The following NXPE4 variants were observed in gnomAD, a reference collection of about 807,000 sequenced individuals.
NXPE4 encodes neurexophilin and PC-esterase domain family member 4, also known as NXPE family member 4.
Under a neutral mutation model 33.3 loss-of-function variants are expected in NXPE4, and 42 were observed. The ratio of observed to expected loss-of-function variants is 1.26; its 90% confidence interval spans 0.98 to 1.63. The LOEUF is 1.63. NXPE4 is among the 40% of genes most tolerant of loss of function. The pLI, the probability that NXPE4 is intolerant of heterozygous loss-of-function variation, is 0.00. For synonymous variants in NXPE4, 253 were observed against 234.9 expected (o/e 1.08, Z -0.71); for missense variants, 709 against 647.6 (o/e 1.09, Z -1.03).
chr11:114,617,787 T>G, the NXPE4 span, among the ~76,000 whole-genome samples: 2 of 152,056 alleles, frequency 1.3e-5, no homozygotes, highest in Non-Finnish European at 2.9e-5. Flanking sequence ...GCCTTGTGGG[T>G]AAGCACGGTT....
chr11:114,622,044 A>G, the NXPE4 span, among the ~76,000 whole-genome samples: 1 of 152,100 alleles, frequency 6.6e-6, no homozygotes, highest in Admixed American at 6.5e-5. Context: ...CCAGTGGATA[A>G]TAAGTATTCC....
chr11:114,669,705 G>C, the NXPE4 span, among the ~76,000 whole-genome samples: 1 of 152,100 alleles, frequency 6.6e-6, no homozygotes, highest in South Asian at 2.1e-4. Flanking sequence ...AGAGAGGCAG[G>C]TCATAGCAAC....
chr11:114,673,738 T>C, the NXPE4 span, among the ~76,000 whole-genome samples: 1 of 151,860 alleles, frequency 6.6e-6, no homozygotes, highest in Admixed American at 6.6e-5. Flanking sequence ...TGCTTTCCTT[T>C]TGTTCCCAAA....
At chr11:114,633,113 A>ACT in the NXPE4 span, among the ~76,000 whole-genome samples, 4 of 120,516 alleles carry the variant, frequency 3.3e-5, no homozygotes, top group Non-Finnish European at 6.3e-5. Flanking sequence ...TTTACATTAT[A>ACT]TTTTATATAA....
At chr11:114,657,310 A>G in the NXPE4 span, among the ~76,000 whole-genome samples, 1 of 152,180 alleles carries the variant, frequency 6.6e-6, no homozygotes, top group Non-Finnish European at 1.5e-5. Context: ...TCGATATAGA[A>G]TTTAGAGGAG....
Position 114,582,539 on chromosome 11 carries a change from A to C in NXPE4, c.579T>G (p.Ser193Arg), listed in dbSNP as rs1199253076. Reference sequence around the variant, plus strand: ...CCCTGTCATAGCCTTGGTTCCTTGCACTCCAGAGAGCTGACACCCCTTCAC... The same window carrying C: ...CCCTGTCATAGCCTTGGTTCCTTGCCCTCCAGAGAGCTGACACCCCTTCAC... ...HPSEGVSALW[S>R]ARNQGYDRVI... The change falls in exon 3 of 6, where the codon AGT becomes AGG. Residue 193 changes from serine to arginine, a missense_variant. Transcript: ENST00000375478. 6.2e-7 allele frequency: 1 copy of C among 1,614,024 alleles called. No homozygotes were observed. The highest frequency in any genetic ancestry group is 1.1e-5 in the South Asian group (1 of 91,080).
chr11:114,605,592 C>T, the NXPE4 span, among the ~76,000 whole-genome samples: 5 of 132,352 alleles, frequency 3.8e-5, no homozygotes, highest in South Asian at 2.4e-4. Context: ...ATTGCCTCGT[C>T]GGTAACCACT....
Position 114,571,289 on chromosome 11 carries a change from A to G in NXPE4, c.1284T>C (p.Asn428=), listed in dbSNP as rs951684126. The change falls in exon 6 of 6, where the codon AAT becomes AAC. Residue 428 remains asparagine, a synonymous_variant. Coordinates refer to ENST00000375478, the MANE Select transcript of NXPE4 (RefSeq NM_001077639.2). Reference sequence around the variant, plus strand: ...GGCCCAGGGAAATAACAATGACAGTATTTTTTTCTCCTCCAGTTCTGTCAA... The same window carrying G: ...GGCCCAGGGAAATAACAATGACAGTGTTTTTTTCTCCTCCAGTTCTGTCAA... ...RAIDRTGGEK[N]TVIVISLGQH... is the part of the protein sequence containing the mutation. 2 of 1,613,778 alleles carry G rather than the reference A, an allele frequency of 1.2e-6. No individual in the cohort carries two copies.
intron 5 of NXPE4, among the ~76,000 whole-genome samples, chr11:114,573,931 A>G (rs1427472001): frequency 6.6e-6 from 1 of 152,148 alleles, no homozygotes; most frequent in Non-Finnish European, 1.5e-5. Flanking sequence ...AGCACATGGA[A>G]CATTCTCCAA....
At chr11:114,639,456 C>G in the NXPE4 span, among the ~76,000 whole-genome samples, 2 of 151,758 alleles carry the variant, frequency 1.3e-5, no homozygotes, top group Admixed American at 6.6e-5. Context: ...TCGGCTCATG[C>G]ACGCTGCGCT....
chr11:114,601,448 T>A, the NXPE4 span, among the ~76,000 whole-genome samples: 1 of 125,956 alleles, frequency 7.9e-6, no homozygotes, highest in African/African-American at 3.0e-5. Context: ...TATGTATATA[T>A]TTATATTATA....
the NXPE4 span, among the ~76,000 whole-genome samples, chr11:114,612,381 G>A: frequency 1.3e-5 from 2 of 151,982 alleles, no homozygotes; most frequent in Admixed American, 6.6e-5. Context: ...TGGACAATAA[G>A]TATTGCCTCA....
At chr11:114,594,505 A>G (rs776445243) in intron 2 of NXPE4, among the ~76,000 whole-genome samples, 159 bp downstream of exon 2, 4 of 152,162 alleles carry the variant, frequency 2.6e-5, no homozygotes, top group Non-Finnish European at 4.4e-5. Context: ...TTATCCTCTC[A>G]CATATTGCTT....
the NXPE4 span, among the ~76,000 whole-genome samples, chr11:114,649,232 C>T: frequency 2.0e-5 from 3 of 151,940 alleles, no homozygotes; most frequent in East Asian, 5.8e-4. Flanking sequence ...TTCCATGGAC[C>T]TTAATCTTAG....
At chr11:114,646,268 C>A in the NXPE4 span, among the ~76,000 whole-genome samples, 2 of 151,630 alleles carry the variant, frequency 1.3e-5, no homozygotes, top group Admixed American at 1.3e-4. Flanking sequence ...CTCTATTCTA[C>A]TTCTAGTTTT....
chr11:114,663,634 T>TGTC, the NXPE4 span, among the ~76,000 whole-genome samples: 1 of 57,492 alleles, frequency 1.7e-5, no homozygotes, highest in Non-Finnish European at 4.1e-5. Flanking sequence ...TCTATCTATC[T>TGTC]ATCATCTATC....
chr11:114,622,747 CA>C, the NXPE4 span, among the ~76,000 whole-genome samples: 1 of 150,424 alleles, frequency 6.6e-6, no homozygotes, highest in Admixed American at 6.6e-5. Flanking sequence ...CACTGTTACC[CA>C]GCGGATAAGT....
At chr11:114,621,570 C>A in the NXPE4 span, among the ~76,000 whole-genome samples, 1 of 152,172 alleles carries the variant, frequency 6.6e-6, no homozygotes, top group South Asian at 2.1e-4. Context: ...AGGGTAACCA[C>A]TGTTACCTGT....
At chr11:114,601,852 A>G in the NXPE4 span, among the ~76,000 whole-genome samples, 35 of 42,658 alleles carry the variant, frequency 8.2e-4, no homozygotes, top group African/African-American at 3.8e-3. Flanking sequence ...AATATAAAAT[A>G]TATAATATAC....
Sources: allele counts gnomAD v4.1 joint callset (sites outside exome capture counted in the v4.1 genomes callset), GRCh38; gene constraint gnomAD v4.1.1; transcripts MANE v1.5; gene names NCBI Gene and HGNC (gene_info 2026-07-23, HGNC 2026-07-21).